Variants in SH3D19 observed in about 807,000 individuals in gnomAD.
SH3D19 encodes the protein SH3 domain-containing protein 19.
SH3D19 carries 58 observed loss-of-function variants against 112.1 expected under a neutral mutation model. The ratio of observed to expected loss-of-function variants is 0.52; its 90% confidence interval spans 0.42 to 0.64. The LOEUF (loss-of-function observed/expected upper bound fraction) is 0.64, where lower values mean the gene tolerates loss of function less well. Among genes scored for constraint, SH3D19 ranks in the 30% least tolerant of loss-of-function variants. The probability of loss-of-function intolerance (pLI) is 0.00; values close to 1 mark genes in which losing one functional copy is unlikely to be tolerated. For missense variants in SH3D19, 1,090 were observed against 1,263.4 expected (o/e 0.86, Z 2.08); for synonymous variants, 391 against 448.5 (o/e 0.87, Z 1.62).
At chr4:151,233,477 T>C (rs1769774061) in intron 1 of SH3D19, among the ~76,000 whole-genome samples, 1 of 152,120 alleles carries the variant, frequency 6.6e-6, no homozygotes, top group Admixed American at 6.5e-5. Context: ...CTGAGGTCAC[T>C]TGCATTCCTT....
At position 151,198,341 on chromosome 4, in the gene SH3D19, A is replaced by ATG. The variant is rs1763832070; in HGVS notation, c.153-10879_153-10878insCA. On this transcript the variant is annotated intron_variant, in intron 2 of 19. Transcript: ENST00000604030. ...AAATATATATATAATATAAAAATATATATTATATAAAATATAAAATTATAT... is the reference window on the plus strand; with the variant it reads ...AAATATATATATAATATAAAAATATATGTATTATATAAAATATAAAATTATAT... Among the ~76,000 whole-genome samples the ATG allele has an allele frequency of 2.8e-5, 4 of 143,324 alleles. No individual in the cohort carries two copies. The South Asian group carries it at 8.5e-4, about 30-fold the overall frequency. 94.0% of individuals were successfully genotyped at this position (143,324 alleles called of 152,430 possible). A position where few individuals can be genotyped will look rare whatever the true frequency, so the allele number is the denominator to read the frequency against.
In SH3D19 at chr4:151,175,344, T is replaced by C. The variant is rs542595181; in HGVS notation, c.860A>G (p.Glu287Gly). ...SQAVMNIMNT[E>G]QSQNSIVSRI... is the part of the protein sequence containing the mutation. Reference sequence around the variant, plus strand: ...GGAAACAATACTATTTTGGCTTTGTTCTGTGTTCATAATGTTCATCACTGC... The same window carrying C: ...GGAAACAATACTATTTTGGCTTTGTCCTGTGTTCATAATGTTCATCACTGC... The change falls in exon 7 of 20, where the codon GAA becomes GGA. Residue 287 changes from glutamate to glycine, a missense_variant. Physicochemically the swap from Glu to Gly is moderately conservative, Grantham distance 98. Coordinates refer to ENST00000604030, the MANE Select transcript of SH3D19 (RefSeq NM_001378122.1). The C allele has an allele frequency of 6.2e-7, 1 of 1,611,630 alleles. No homozygotes were observed. The highest frequency in any genetic ancestry group is 1.3e-5 in the African/African-American group (1 of 74,956).
chr4:151,191,719 C>G (rs1762660005), intron 2 of SH3D19, among the ~76,000 whole-genome samples: 1 of 151,952 alleles, frequency 6.6e-6, no homozygotes. Flanking sequence ...AATCTCGGCT[C>G]ACTGCAAGCT....
chr4:151,164,357 G>A (rs1757632081), intron 8 of SH3D19, among the ~76,000 whole-genome samples: 1 of 152,184 alleles, frequency 6.6e-6, no homozygotes, highest in Non-Finnish European at 1.5e-5. Flanking sequence ...CCCACTGTGT[G>A]TGTGTGTACA....
In SH3D19 at chr4:151,234,740, T is replaced by TG. The variant is rs1561387818; in HGVS notation, c.113-8655_113-8654insC. On this transcript the variant is annotated intron_variant, in intron 1 of 19. Transcript: ENST00000604030. Reference sequence around the variant, plus strand: ...TGTTTTCTTTCCAAGTTTGTGTTTTTTTTTTTTTTTTTTTTTTTTTTTTTT... The same window carrying TG: ...TGTTTTCTTTCCAAGTTTGTGTTTTTGTTTTTTTTTTTTTTTTTTTTTTTTT... Among the ~76,000 whole-genome samples the TG allele has an allele frequency of 2.8e-4, 21 of 75,448 alleles. 4 individuals carry two copies. Among genetic ancestry groups the TG allele is most frequent in the Admixed American group, 4.6e-4 (3 of 6,526 alleles). 49.5% of individuals were successfully genotyped at this position (75,448 alleles called of 152,430 possible).
chr4:151,139,046 G>A (rs1024328056), intron 13 of SH3D19, among the ~76,000 whole-genome samples: 4 of 151,782 alleles, frequency 2.6e-5, no homozygotes, highest in Non-Finnish European at 4.4e-5. Context: ...GACTGGTCTG[G>A]ACTCCTGACC....
intron 3 of SH3D19, among the ~76,000 whole-genome samples, chr4:151,180,694 C>T (rs1760764127): frequency 1.3e-5 from 2 of 150,974 alleles, no homozygotes; most frequent in Non-Finnish European, 3.0e-5. Context: ...GTGTGAGCCA[C>T]TGCGCCCGAC....
intron 1 of SH3D19, among the ~76,000 whole-genome samples, chr4:151,275,126 G>A (rs534161144): frequency 4.7e-5 from 7 of 149,754 alleles, no homozygotes; most frequent in African/African-American, 7.4e-5. Context: ...TTGCTCTGTC[G>A]CCCAGGCTGG....
chr4:151,175,876 C>CTT (rs754178916), intron 6 of SH3D19, among the ~76,000 whole-genome samples: 1 of 146,504 alleles, frequency 6.8e-6, no homozygotes. Flanking sequence ...TCATATAACA[C>CTT]TTTTTTTTTT....
chr4:151,223,978 T>G (rs775686231), intron 2 of SH3D19, among the ~76,000 whole-genome samples: 6 of 152,214 alleles, frequency 3.9e-5, no homozygotes, highest in Non-Finnish European at 4.4e-5. Flanking sequence ...CTTCAGTTTT[T>G]CAAGGTCTTG....
intron 1 of SH3D19, among the ~76,000 whole-genome samples, chr4:151,302,597 C>T (rs1728540981): frequency 6.6e-6 from 1 of 152,090 alleles, no homozygotes; most frequent in Non-Finnish European, 1.5e-5. Context: ...GTTGCAATGA[C>T]TCAACTCTGC....
intron 1 of SH3D19, among the ~76,000 whole-genome samples, chr4:151,275,861 T>G (rs5016351): frequency 0.58 from 76,199 of 132,040 alleles, 21,674 homozygotes; most frequent in Middle Eastern, 0.72. Context: ...TTTTTTTTTT[T>G]AGACGGAGTC....
intron 3 of SH3D19, among the ~76,000 whole-genome samples, chr4:151,181,991 T>A (rs1249699613): frequency 1.3e-5 from 2 of 152,056 alleles, no homozygotes; most frequent in Admixed American, 6.5e-5. Flanking sequence ...TAGGGTTTTT[T>A]TTTTTTTATT....
At chr4:151,273,332 T>C (rs1389520374) in intron 1 of SH3D19, among the ~76,000 whole-genome samples, 2 of 152,056 alleles carry the variant, frequency 1.3e-5, no homozygotes, top group Non-Finnish European at 2.9e-5. Context: ...AGCTCACACC[T>C]GTAATCCCAG....
At chr4:151,137,906 TGC>T in intron 13 of SH3D19, 44 bp from the exon 14 acceptor site, 1 of 1,532,260 alleles carries the variant, frequency 6.5e-7, no homozygotes. Context: ...TCATCCTGGT[TGC>T]AGATTTGATA....
chr4:151,239,853 T>C (rs1770424311), intron 1 of SH3D19, among the ~76,000 whole-genome samples: 1 of 152,192 alleles, frequency 6.6e-6, no homozygotes, highest in South Asian at 2.1e-4. Flanking sequence ...GGGGGTAACA[T>C]GTTCAAAGGT....
At chr4:151,161,640 A>T (rs28581195) in intron 8 of SH3D19, among the ~76,000 whole-genome samples, 143,197 of 148,632 alleles carry the variant, frequency 0.96, 69,180 homozygotes, top group African/African-American at 0.99. Flanking sequence ...ATATATATAT[A>T]TTTTAATTAT....
chr4:151,139,011 A>T (rs1752462088), intron 13 of SH3D19, among the ~76,000 whole-genome samples: 1 of 151,904 alleles, frequency 6.6e-6, no homozygotes, highest in Non-Finnish European at 1.5e-5. Context: ...GTATTTATAG[A>T]GACGGGGTTT....
At chr4:151,295,338 A>C (rs1775626245) in intron 1 of SH3D19, among the ~76,000 whole-genome samples, 1 of 152,178 alleles carries the variant, frequency 6.6e-6, no homozygotes, top group Non-Finnish European at 1.5e-5. Context: ...AGAATCAGAC[A>C]CCAAGGCACT....
Sources: allele counts gnomAD v4.1 joint callset (sites outside exome capture counted in the v4.1 genomes callset), GRCh38; gene constraint gnomAD v4.1.1; transcripts MANE v1.5; gene names NCBI Gene and HGNC (gene_info 2026-07-23, HGNC 2026-07-21).